UNC5C: variants seen among roughly 807,000 people sequenced by gnomAD.
UNC5C encodes the protein unc-5 netrin receptor C, also known as netrin receptor UNC5C.
Under a neutral mutation model 99.8 loss-of-function variants are expected in UNC5C, and 47 were observed. The observed-to-expected ratio is 0.47, with a 90% CI of 0.37 to 0.60. The LOEUF is 0.60. Among genes scored for constraint, UNC5C ranks in the 20% least tolerant of loss-of-function variants. The pLI is 0.00. For synonymous variants in UNC5C, 487 were observed against 452.2 expected, an observed-to-expected ratio of 1.08 and a Z score of -0.98; for missense variants, 1,062 against 1,165.9, an observed-to-expected ratio of 0.91 and a Z score of 1.30.
At chr4:95,344,886 G>GA (rs535993180) in intron 1 of UNC5C, among the ~76,000 whole-genome samples, 1 of 151,870 alleles carries the variant, frequency 6.6e-6, no homozygotes, top group African/African-American at 2.4e-5. Context: ...GCCAACTGAG[G>GA]AAAAAACCTT....
At chr4:95,372,190 T>C (rs144068534) in intron 1 of UNC5C, among the ~76,000 whole-genome samples, 1 of 152,324 alleles carries the variant, frequency 6.6e-6, no homozygotes, top group African/African-American at 2.4e-5. Context: ...CAGTGGAGCA[T>C]CCTGAGAAGA....
chr4:95,545,521 T>C (rs1476308478), intron 1 of UNC5C, among the ~76,000 whole-genome samples: 1 of 152,108 alleles, frequency 6.6e-6, no homozygotes, highest in African/African-American at 2.4e-5. Flanking sequence ...TAAAGGAATT[T>C]TTACTCTTTT....
chr4:95,414,065 C>T (rs1035921496), intron 1 of UNC5C, among the ~76,000 whole-genome samples: 1 of 152,152 alleles, frequency 6.6e-6, no homozygotes, highest in South Asian at 2.1e-4. Flanking sequence ...GTATGTGTTA[C>T]CCCCAAATAT....
chr4:95,194,069 C>T (rs1737273996), intron 12 of UNC5C, among the ~76,000 whole-genome samples: 1 of 152,178 alleles, frequency 6.6e-6, no homozygotes, highest in Non-Finnish European at 1.5e-5. Flanking sequence ...GCCTGCTGTT[C>T]CCACAGCTGC....
chr4:95,350,113 C>G (rs545329474), intron 1 of UNC5C, among the ~76,000 whole-genome samples: 2 of 152,194 alleles, frequency 1.3e-5, no homozygotes, highest in African/African-American at 4.8e-5. Flanking sequence ...CTCATTAGTA[C>G]TTGACATTCA....
intron 1 of UNC5C, among the ~76,000 whole-genome samples, chr4:95,456,517 T>C (rs1747431490): frequency 1.3e-5 from 2 of 152,154 alleles, no homozygotes; most frequent in Admixed American, 6.5e-5. Flanking sequence ...TAGTGTTCAA[T>C]ATAAATCCTG....
At chr4:95,315,693 T>C (rs568868101) in intron 2 of UNC5C, among the ~76,000 whole-genome samples, 1 of 152,314 alleles carries the variant, frequency 6.6e-6, no homozygotes, top group South Asian at 2.1e-4. Context: ...GTATGGATCA[T>C]AGTAAATAAT....
chr4:95,419,291 T>C (rs1444977456), intron 1 of UNC5C, among the ~76,000 whole-genome samples: 1 of 152,168 alleles, frequency 6.6e-6, no homozygotes, highest in Non-Finnish European at 1.5e-5. Context: ...TGGAAAAAAG[T>C]AATTCTTAAT....
chr4:95,505,211 C>T (rs1721882139), intron 1 of UNC5C, among the ~76,000 whole-genome samples: 1 of 152,058 alleles, frequency 6.6e-6, no homozygotes, highest in African/African-American at 2.4e-5. Context: ...CAACTTACGG[C>T]CTCCAAAGTG....
chr4:95,288,300 G>A (rs988900744), intron 3 of UNC5C, among the ~76,000 whole-genome samples: 7 of 151,920 alleles, frequency 4.6e-5, no homozygotes, highest in African/African-American at 1.7e-4. Flanking sequence ...AGCCAGGATG[G>A]TCTTGATCTC....
chr4:95,357,864 A>G (rs868060325), intron 1 of UNC5C, among the ~76,000 whole-genome samples: 5 of 147,820 alleles, frequency 3.4e-5, no homozygotes, highest in Middle Eastern at 3.6e-3. Context: ...CTAAAATTTT[A>G]CAGTAAAGAA....
chr4:95,192,329 TC>T (rs1737170603), intron 12 of UNC5C, among the ~76,000 whole-genome samples: 1 of 102,176 alleles, frequency 9.8e-6, no homozygotes, highest in Non-Finnish European at 2.0e-5. Flanking sequence ...GCTCACCTCC[TC>T]CCCTGCTCAC....
At chr4:95,534,775 C>G (rs562402169) in intron 1 of UNC5C, among the ~76,000 whole-genome samples, 2 of 151,952 alleles carry the variant, frequency 1.3e-5, no homozygotes, top group Non-Finnish European at 2.9e-5. Context: ...AGTAGGGTAC[C>G]TAATTAATTT....
chr4:95,327,562 G>A (rs1225085894), intron 2 of UNC5C, among the ~76,000 whole-genome samples: 1 of 152,028 alleles, frequency 6.6e-6, no homozygotes, highest in African/African-American at 2.4e-5. Context: ...CACACACAGT[G>A]TTCTCTACTT....
At chr4:95,476,755 A>ATT (rs11442252) in intron 1 of UNC5C, among the ~76,000 whole-genome samples, 1,904 of 151,664 alleles carry the variant, frequency 0.013, 34 homozygotes, top group African/African-American at 0.043. Context: ...GAATTTGTCC[A>ATT]TTTTTTTTGC....
chr4:95,354,479 A>ATATATATATATATTT, intron 1 of UNC5C, among the ~76,000 whole-genome samples: 19 of 110,348 alleles, frequency 1.7e-4, no homozygotes, highest in African/African-American at 7.3e-4. Context: ...ATATATATAT[A>ATATATATATATATTT]TTTTTTTTTT....
chr4:95,173,131 A>G (rs2149344846), intron 14 of UNC5C, among the ~76,000 whole-genome samples: 1 of 151,916 alleles, frequency 6.6e-6, no homozygotes, highest in East Asian at 1.9e-4. Flanking sequence ...CAGCTTAAGG[A>G]GATTTTGGAC....
At chr4:95,413,731 CGCG>C (rs1746078256) in intron 1 of UNC5C, among the ~76,000 whole-genome samples, 1 of 152,130 alleles carries the variant, frequency 6.6e-6, no homozygotes, top group African/African-American at 2.4e-5. Flanking sequence ...AAACCATTTC[CGCG>C]TAGCCTATTT....
chr4:95,492,437 C>A (rs1385700088), intron 1 of UNC5C, among the ~76,000 whole-genome samples: 1 of 151,272 alleles, frequency 6.6e-6, no homozygotes, highest in Non-Finnish European at 1.5e-5. Flanking sequence ...AGTTACTAAG[C>A]TGCTCTCTTG....
Sources: gnomAD v4.1 joint callset for allele counts (sites outside exome capture counted in the v4.1 genomes callset) on GRCh38, gnomAD v4.1.1 for gene constraint, MANE v1.5 for transcripts, NCBI Gene and HGNC (gene_info 2026-07-23, HGNC 2026-07-21) for gene names.